The following CPS1 variants were observed in gnomAD, a reference collection of about 807,000 sequenced individuals.
CPS1 encodes the protein carbamoyl-phosphate synthase 1.
A neutral mutation model predicts 174.6 loss-of-function variants in CPS1; 109 were observed. That is an observed-to-expected ratio of 0.62 (90% CI 0.53 to 0.73). The LOEUF (loss-of-function observed/expected upper bound fraction) is 0.73. Among genes scored for constraint, CPS1 ranks in the 30% least tolerant of loss-of-function variants. The probability of loss-of-function intolerance (pLI) is 0.00; values close to 1 mark genes in which losing one functional copy is unlikely to be tolerated. For missense variants in CPS1, 1,689 were observed against 1,821.9 expected (o/e 0.93, Z 1.33); for synonymous variants, 637 against 632.0 (o/e 1.01, Z -0.12).
chr2:210,529,641 C>T (rs934075306), intron 1 of CPS1, among the ~76,000 whole-genome samples: 1 of 151,912 alleles, frequency 6.6e-6, no homozygotes, highest in Non-Finnish European at 1.5e-5. Context: ...AATATTTTTG[C>T]TTACTCTTCA....
upstream of CPS1, among the ~76,000 whole-genome samples, chr2:210,552,415 T>A (rs560277289): frequency 6.6e-6 from 1 of 152,160 alleles, no homozygotes; most frequent in African/African-American, 2.4e-5. Flanking sequence ...ATCCATTCAT[T>A]CAGTCATTTT....
upstream of CPS1, among the ~76,000 whole-genome samples, chr2:210,554,151 A>G (rs1696817116): frequency 7.1e-6 from 1 of 140,374 alleles, no homozygotes; most frequent in South Asian, 2.2e-4. Flanking sequence ...ATATGTATAT[A>G]TACACACACA....
chr2:210,657,377 C>G (rs1428190802), intron 30 of CPS1: 1 of 149,136 alleles, frequency 6.7e-6, no homozygotes, highest in Non-Finnish European at 1.5e-5. Context: ...GTGGCGCGAT[C>G]TCGGCTGACT....
intron 19 of CPS1, among the ~76,000 whole-genome samples, chr2:210,610,387 C>T (rs1031540387): frequency 6.6e-6 from 1 of 151,762 alleles, no homozygotes; most frequent in Admixed American, 6.6e-5. Flanking sequence ...TGAGTTCTTA[C>T]TAAACGCAAG....
chr2:210,653,002 G>A (rs1700604745), intron 28 of CPS1, among the ~76,000 whole-genome samples: 1 of 152,198 alleles, frequency 6.6e-6, no homozygotes, highest in Admixed American at 6.5e-5. Flanking sequence ...CAGAAGGCCA[G>A]CCTTGTATAA....
At position 210,656,889 on chromosome 2, in the gene CPS1, G is replaced by A. The variant is rs141911557; in HGVS notation, c.3666+257G>A. On this transcript the variant is annotated intron_variant, in intron 30 of 37. Coordinates refer to ENST00000233072, the MANE Select transcript of CPS1 (RefSeq NM_001875.5). ...CTTGAATGTGCATCACAGACACCTGGAGAGCTTGTTAAACACATTGCTGGA... is the reference window on the plus strand; with the variant it reads ...CTTGAATGTGCATCACAGACACCTGAAGAGCTTGTTAAACACATTGCTGGA... Among the ~76,000 whole-genome samples, 745 of 152,182 alleles carry A rather than the reference G, an allele frequency of 4.9e-3. 12 individuals are homozygous for A. Among genetic ancestry groups the A allele is most frequent in the African/African-American group, 0.017 (712 of 41,516 alleles).
chr2:210,495,995 TCTTC>T (rs1384974337), intron 1 of CPS1, among the ~76,000 whole-genome samples: 1 of 152,062 alleles, frequency 6.6e-6, no homozygotes, highest in African/African-American at 2.4e-5. Context: ...CTCCCTGTGT[TCTTC>T]CTTCCTTGCT....
Position 210,532,324 on chromosome 2 carries a change from T to C in CPS1, c.4-24395T>C, listed in dbSNP as rs540579101. On this transcript the variant is annotated intron_variant, in intron 1 of 38. Transcript: ENST00000430249. ...TGGAGCTATTTGGAAGGGGAATGTG[T>C]TGCTTGGAATGTATTAGATTAAAAA... 1.7e-4 allele frequency among the ~76,000 whole-genome samples: 26 copies of C among 152,290 alleles called. No homozygotes were observed. In the South Asian group the frequency reaches 5.4e-3, roughly 32 times the overall value.
Position 210,660,553 on chromosome 2 carries a change from C to A in CPS1, c.3825C>A (p.Phe1275Leu). ...PFVSKTLGVD[F>L]IDVATKVMIG... is the part of the protein sequence containing the mutation. ...TTTCCAAGACTCTTGGGGTTGACTT[C>A]ATTGATGTGGCCACCAAGGTGATGA... The change falls in exon 32 of 38, where the codon TTC becomes TTA. Residue 1275 changes from phenylalanine (F) to leucine (L), a missense_variant. Phe to Leu is a conservative substitution (Grantham distance 22). Coordinates refer to ENST00000233072, the MANE Select transcript of CPS1 (RefSeq NM_001875.5). 1 of 1,614,144 alleles carries A rather than the reference C, an allele frequency of 6.2e-7. No individual in the cohort carries two copies. The highest frequency in any genetic ancestry group is 8.5e-7 in the Non-Finnish European group (1 of 1,179,992).
intron 20 of CPS1, among the ~76,000 whole-genome samples, chr2:210,614,800 C>T (rs1451263308): frequency 6.6e-6 from 1 of 151,478 alleles, no homozygotes; most frequent in Non-Finnish European, 1.5e-5. Context: ...AACCAAGTAC[C>T]ACATGTTCTC....
chr2:210,660,603 A>T lies in CPS1; in HGVS notation c.3875A>T (p.His1292Leu). ...VMIGENVDEK[H>L]LPTLDHPIIP... is the part of the protein sequence containing the mutation. ...ATTGGAGAGAATGTTGATGAGAAAC[A>T]TCTTCCAACATTGGACCATCCCATA... The change falls in exon 32 of 38, where the codon CAT becomes CTT. Residue 1292 changes from histidine (H) to leucine (L), a missense_variant. Transcript: ENST00000233072. The T allele has an allele frequency of 6.2e-7, 1 of 1,614,178 alleles. No homozygotes were observed. Among genetic ancestry groups the T allele is most frequent in the Non-Finnish European group, 8.5e-7 (1 of 1,179,990 alleles).
chr2:210,658,534 T>C (rs2105920509), intron 30 of CPS1, 65 bp from the exon 31 acceptor site: 7 of 1,337,744 alleles, frequency 5.2e-6, no homozygotes, highest in Non-Finnish European at 7.5e-6. Context: ...CTGTGCCTTT[T>C]AGAAAGTTTT....
chr2:210,635,579 A>G (rs897588025), intron 21 of CPS1, among the ~76,000 whole-genome samples: 2 of 152,180 alleles, frequency 1.3e-5, no homozygotes, highest in South Asian at 2.1e-4. Context: ...AGATTTAATT[A>G]GTTTTTCAAT....
intron 1 of CPS1, among the ~76,000 whole-genome samples, chr2:210,524,935 T>C (rs1157049253): frequency 2.0e-5 from 3 of 152,008 alleles, no homozygotes; most frequent in Admixed American, 6.6e-5. Context: ...CCAAATCTGG[T>C]AAAGTAAGAA....
chr2:210,666,936 A>G (rs2105931265), intron 33 of CPS1, among the ~76,000 whole-genome samples: 1 of 152,242 alleles, frequency 6.6e-6, no homozygotes, highest in South Asian at 2.1e-4. Context: ...CATTTTCACA[A>G]TATTGATTCT....
At chr2:210,618,897 G>C (rs1667828831) in intron 21 of CPS1, 1 of 152,134 alleles carries the variant, frequency 6.6e-6, no homozygotes, top group South Asian at 2.1e-4. Context: ...CGAGTTTGGA[G>C]AGAGGCTGAG....
In CPS1 at chr2:210,573,313, A is replaced by G; in HGVS notation, c.142A>G (p.Ile48Val). 1 of 1,612,920 alleles carries G rather than the reference A, an allele frequency of 6.2e-7. No individual in the cohort carries two copies. Among genetic ancestry groups the G allele is most frequent in the Non-Finnish European group, 8.5e-7 (1 of 1,179,026 alleles). Residue 48 changes from isoleucine to valine, a missense_variant, in exon 2 of 38, where the codon ATT becomes GTT. Physicochemically the swap from Ile to Val is conservative, Grantham distance 29. Transcript: ENST00000233072. ...LLSVKAQTAH[I>V]VLEDGTKMKG... is the part of the protein sequence containing the mutation. Reference sequence around the variant, plus strand: ...GTTTCTTCAGGCACAGACAGCACACATTGTCCTGGAAGATGGAACTAAGAT... The same window carrying G: ...GTTTCTTCAGGCACAGACAGCACACGTTGTCCTGGAAGATGGAACTAAGAT...
At chr2:210,587,131 A>G (rs769120349) in intron 6 of CPS1, among the ~76,000 whole-genome samples, 2 of 151,982 alleles carry the variant, frequency 1.3e-5, no homozygotes, top group African/African-American at 2.4e-5. Context: ...TAGTTTATAT[A>G]TTTTTTCCTC....
intron 2 of CPS1, among the ~76,000 whole-genome samples, chr2:210,575,516 G>GCGCA (rs1697668104): frequency 1.4e-5 from 2 of 145,846 alleles, no homozygotes; most frequent in South Asian, 2.2e-4. Flanking sequence ...ATATGTATAT[G>GCGCA]CACACACACA....
Sources: allele counts gnomAD v4.1 joint callset (sites outside exome capture counted in the v4.1 genomes callset), GRCh38; gene constraint gnomAD v4.1.1; transcripts MANE v1.5; gene names NCBI Gene and HGNC (gene_info 2026-07-23, HGNC 2026-07-21).